The following PTPN4 variants were observed in gnomAD, a reference collection of about 807,000 sequenced individuals.
The protein encoded by PTPN4 is protein tyrosine phosphatase non-receptor type 4, also known as tyrosine-protein phosphatase non-receptor type 4.
A neutral mutation model predicts 135.5 loss-of-function variants in PTPN4; 49 were observed. That is an observed-to-expected ratio of 0.36 (90% CI 0.29 to 0.46). The LOEUF (loss-of-function observed/expected upper bound fraction) is 0.46. Ranked by LOEUF, PTPN4 falls within the 20% of genes least tolerant of loss-of-function variation. The pLI is 1.00. For synonymous variants in PTPN4, 333 were observed against 369.9 expected, an observed-to-expected ratio of 0.90 and a Z score of 1.14; for missense variants, 860 against 1,101.0, an observed-to-expected ratio of 0.78 and a Z score of 3.10.
intron 5 of PTPN4, among the ~76,000 whole-genome samples, chr2:119,877,778 T>C (rs1678007101): frequency 6.6e-6 from 1 of 152,110 alleles, no homozygotes; most frequent in Non-Finnish European, 1.5e-5. Context: ...TCCTGAACCA[T>C]GTAAATATTA....
chr2:119,772,024 T>C (rs745363044), intron 1 of PTPN4, among the ~76,000 whole-genome samples: 2 of 152,240 alleles, frequency 1.3e-5, no homozygotes, highest in Non-Finnish European at 2.9e-5. Flanking sequence ...TTGGGAAATA[T>C]CAGTTTTTAA....
At chr2:119,892,814 TG>T (rs1344373905) in intron 9 of PTPN4, among the ~76,000 whole-genome samples, 1 of 151,836 alleles carries the variant, frequency 6.6e-6, no homozygotes, top group African/African-American at 2.4e-5. Flanking sequence ...CTTGGTCTCT[TG>T]GGTCCAAGTG....
intron 26 of PTPN4, among the ~76,000 whole-genome samples, chr2:119,973,600 T>C (rs1679567005): frequency 6.6e-6 from 1 of 151,508 alleles, no homozygotes; most frequent in Admixed American, 6.6e-5. Context: ...ACATTTTGAT[T>C]GGTTTATATG....
intron 15 of PTPN4, among the ~76,000 whole-genome samples, chr2:119,944,840 G>GTCTTT (rs1679110026): frequency 6.6e-6 from 1 of 151,662 alleles, no homozygotes; most frequent in Non-Finnish European, 1.5e-5. Flanking sequence ...TAGATTAATA[G>GTCTTT]GTATCTTCAC....
At chr2:119,935,081 G>A (rs1174645687) in intron 15 of PTPN4, 123 bp downstream of exon 15, 2 of 1,161,518 alleles carry the variant, frequency 1.7e-6, no homozygotes, top group African/African-American at 3.1e-5. Context: ...TTCAAAATGT[G>A]TATGTTTGCA....
In PTPN4 at chr2:119,979,048, C is replaced by T. The variant is rs894774340; in HGVS notation, c.*1978C>T. ...AAAACAGTATAAGATAGTGAAGTAA[C>T]TTATAATCTTATTTGGTCATTCTGT... On this transcript the variant is annotated 3_prime_UTR_variant, in exon 27 of 27. Coordinates refer to ENST00000263708, the MANE Select transcript of PTPN4 (RefSeq NM_002830.4). The T allele has an allele frequency of 2.0e-5, 3 of 152,082 alleles. No homozygotes were observed. Among genetic ancestry groups the T allele is most frequent in the Non-Finnish European group, 4.4e-5 (3 of 67,958 alleles). The allele number at this position is 152,082 out of a possible 1,614,324, so 9.4% of individuals were successfully genotyped here. A position where few individuals can be genotyped will look rare whatever the true frequency, so the allele number is the denominator to read the frequency against.
intron 2 of PTPN4, among the ~76,000 whole-genome samples, chr2:119,830,483 C>A (rs1574357081): frequency 6.6e-6 from 1 of 152,052 alleles, no homozygotes; most frequent in Non-Finnish European, 1.5e-5. Flanking sequence ...CTCTCTCTCT[C>A]TATTTTTTGA....
chr2:119,821,779 G>A (rs781414250), intron 2 of PTPN4, among the ~76,000 whole-genome samples: 2 of 151,998 alleles, frequency 1.3e-5, no homozygotes, highest in African/African-American at 2.4e-5. Context: ...TATATCCTTC[G>A]TTTTTGAAAA....
intron 2 of PTPN4, among the ~76,000 whole-genome samples, chr2:119,822,071 TC>T (rs1275020285): frequency 6.6e-6 from 1 of 152,144 alleles, no homozygotes; most frequent in African/African-American, 2.4e-5. Context: ...ATGCTTGATG[TC>T]CCTAGATTTG....
chr2:119,789,652 T>A (rs1344730739), intron 1 of PTPN4, among the ~76,000 whole-genome samples: 1 of 152,244 alleles, frequency 6.6e-6, no homozygotes, highest in East Asian at 1.9e-4. Context: ...TGTTTTACTT[T>A]GACCATTACT....
chr2:119,809,085 GT>G (rs984250485), intron 1 of PTPN4, among the ~76,000 whole-genome samples: 5 of 150,748 alleles, frequency 3.3e-5, no homozygotes, highest in South Asian at 2.1e-4. Flanking sequence ...TGTTTTAAGA[GT>G]TTTTTTTTCT....
At chr2:119,780,429 AC>A (rs904720272) in intron 1 of PTPN4, among the ~76,000 whole-genome samples, 1 of 151,632 alleles carries the variant, frequency 6.6e-6, no homozygotes, top group Non-Finnish European at 1.5e-5. Flanking sequence ...TTCTACCCTA[AC>A]CCCCCGCCAA....
chr2:119,842,486 GCCAA>G (rs1056248278), intron 2 of PTPN4, among the ~76,000 whole-genome samples: 1 of 152,056 alleles, frequency 6.6e-6, no homozygotes, highest in African/African-American at 2.4e-5. Context: ...TTAACTCATG[GCCAA>G]CCGTTTTCAT....
chr2:119,795,646 G>GA (rs1346382634), intron 1 of PTPN4, among the ~76,000 whole-genome samples: 1 of 151,372 alleles, frequency 6.6e-6, no homozygotes, highest in Non-Finnish European at 1.5e-5. Context: ...GTGAGGGCAA[G>GA]GGGGGGCCTT....
chr2:119,763,126 A>G (rs1417542792), intron 1 of PTPN4, among the ~76,000 whole-genome samples: 1 of 152,168 alleles, frequency 6.6e-6, no homozygotes, highest in Non-Finnish European at 1.5e-5. Context: ...TATCTTTTGC[A>G]TGAATGGGGA....
chr2:119,803,994 A>G (rs2104944106), intron 1 of PTPN4, among the ~76,000 whole-genome samples: 1 of 151,996 alleles, frequency 6.6e-6, no homozygotes, highest in African/African-American at 2.4e-5. Flanking sequence ...TCCATGATAC[A>G]TCTCTTTCCA....
intron 10 of PTPN4, among the ~76,000 whole-genome samples, chr2:119,901,957 A>G (rs1312599417): frequency 6.6e-6 from 1 of 152,242 alleles, no homozygotes; most frequent in Non-Finnish European, 1.5e-5. Flanking sequence ...ATGAAAGAAC[A>G]GTATTTAAGA....
intron 2 of PTPN4, among the ~76,000 whole-genome samples, chr2:119,847,060 C>A (rs1648250725): frequency 6.6e-6 from 1 of 150,536 alleles, no homozygotes; most frequent in South Asian, 2.1e-4. Flanking sequence ...TTCTATTGAT[C>A]ATTTCTGGTG....
At chr2:119,818,289 A>T (rs1283195318) in intron 2 of PTPN4, among the ~76,000 whole-genome samples, 1 of 152,074 alleles carries the variant, frequency 6.6e-6, no homozygotes, top group Non-Finnish European at 1.5e-5. Flanking sequence ...TTGTCTCTTG[A>T]TTGTCAGTCA....
Sources: allele counts gnomAD v4.1 joint callset (sites outside exome capture counted in the v4.1 genomes callset), GRCh38; gene constraint gnomAD v4.1.1; transcripts MANE v1.5; gene names NCBI Gene and HGNC (gene_info 2026-07-23, HGNC 2026-07-21).